SLC15A5: variants seen among roughly 807,000 people sequenced by gnomAD.
SLC15A5 encodes solute carrier family 15 member 5.
SLC15A5 carries 58 observed loss-of-function variants against 56.1 expected under a neutral mutation model. That is an observed-to-expected ratio of 1.03 (90% CI 0.84 to 1.29). The LOEUF (loss-of-function observed/expected upper bound fraction) is 1.29, where lower values mean the gene tolerates loss of function less well. Among genes scored for constraint, SLC15A5 ranks in the 50% most tolerant of loss-of-function variants. SLC15A5 has a pLI of 0.00. For synonymous variants in SLC15A5, 264 were observed against 250.5 expected (o/e 1.05, Z -0.51); for missense variants, 681 against 672.1 (o/e 1.01, Z -0.15).
In SLC15A5 at chr12:16,277,563, C is replaced by T. The variant is rs748557747; in HGVS notation, c.123G>A (p.Gln41=). The part of the protein sequence containing the change: ...LCSSHSVKKI[Q]VGICLLLVEL... The stretch of plus-strand genomic sequence containing the variant: ...CCACCAGAAGCAAGCAGATTCCAAC[C>T]TGAATTTTTTTCACAGAGTGTGAGG... The change falls in exon 1 of 9, where the codon CAG becomes CAA. Residue 41 remains glutamine, a synonymous_variant. Coordinates refer to ENST00000344941, the MANE Select transcript of SLC15A5 (RefSeq NM_001170798.1). 12 of 1,536,406 alleles carry T rather than the reference C, an allele frequency of 7.8e-6. No homozygotes were observed. Among genetic ancestry groups the T allele is most frequent in the Non-Finnish European group, 9.6e-6 (11 of 1,146,430 alleles).
chr12:16,267,105 A>G (rs990012393), intron 2 of SLC15A5, among the ~76,000 whole-genome samples: 6 of 152,216 alleles, frequency 3.9e-5, no homozygotes, highest in Non-Finnish European at 8.8e-5. Context: ...TTTGAAGAGA[A>G]ATTATTTAAA....
intron 3 of SLC15A5, among the ~76,000 whole-genome samples, chr12:16,246,739 G>GT (rs1166570455): frequency 2.6e-5 from 4 of 151,926 alleles, no homozygotes; most frequent in African/African-American, 4.8e-5. Flanking sequence ...CTCACTAACC[G>GT]TTTTTTTGTA....
intron 7 of SLC15A5, among the ~76,000 whole-genome samples, chr12:16,205,590 T>TATACAC (rs775209178): frequency 0.012 from 675 of 57,068 alleles, 12 homozygotes; most frequent in African/African-American, 0.016. Flanking sequence ...CATATATATA[T>TATACAC]ACATATACAC....
rs1863819729 is a variant in SLC15A5 at position 16,189,498 on chromosome 12, AC to A, written c.*169del. ...TATAACATGTTAATGCAAAAGCATG[AC>A]AGTTTACTAGAAAATTCATAATTAG... is the stretch of plus-strand genomic sequence containing the variant. On this transcript the variant is annotated 3_prime_UTR_variant, in exon 9 of 9. Transcript: ENST00000344941. The A allele has an allele frequency of 4.2e-6, 2 of 474,540 alleles. No homozygotes were observed. Among genetic ancestry groups the A allele is most frequent in the Non-Finnish European group, 6.8e-6 (2 of 295,966 alleles). The allele number at this position is 474,540 out of a possible 1,614,324, so 29.4% of individuals were successfully genotyped here.
chr12:16,248,379 G>A (rs1489402288), intron 3 of SLC15A5, among the ~76,000 whole-genome samples: 1 of 152,056 alleles, frequency 6.6e-6, no homozygotes, highest in Non-Finnish European at 1.5e-5. Context: ...TGAATCCTAG[G>A]GCTGCACATC....
chr12:16,239,701 G>T lies in SLC15A5; in HGVS notation c.1142C>A (p.Ser381Ter). Residue 381 changes from serine (S) to a stop codon, truncating the protein, a stop_gained, in exon 5 of 9, where the codon TCA (serine) becomes TAA (stop). Coordinates refer to ENST00000344941, the MANE Select transcript of SLC15A5 (RefSeq NM_001170798.1). LOFTEE classifies it high-confidence loss of function. ...TCLFPSKRVG[S>*]FLSTCIIAGN... ...CTTACTGATGCATGTTGACAGAAAT[G>T]ATCCAACTCTCTTAGAGGGAAACAG... 1 of 1,537,070 alleles carries T rather than the reference G, an allele frequency of 6.5e-7. No individual in the cohort carries two copies. The highest frequency in any genetic ancestry group is 8.7e-7 in the Non-Finnish European group (1 of 1,146,808).
Position 16,209,040 on chromosome 12 carries a change from A to G in SLC15A5, c.1483+7853T>C, listed in dbSNP as rs1463435527. On this transcript the variant is annotated intron_variant, in intron 7 of 8. Transcript: ENST00000344941. The stretch of plus-strand genomic sequence containing the variant: ...ATGCCTTTTTTTTTTTTTTTCATGT[A>G]CTGGACTTCCATCACCTTAATCCAA... Among the ~76,000 whole-genome samples the G allele has an allele frequency of 2.8e-5, 4 of 141,418 alleles. No homozygotes were observed. The Admixed American group carries it at 2.9e-4, about 10-fold the overall frequency. 92.8% of individuals were successfully genotyped at this position (141,418 alleles called of 152,430 possible).
intron 7 of SLC15A5, among the ~76,000 whole-genome samples, chr12:16,205,084 A>G (rs150758927): frequency 6.6e-6 from 1 of 152,230 alleles, no homozygotes; most frequent in Non-Finnish European, 1.5e-5. Context: ...TAAACTGACA[A>G]AAGAAGACCA....
chr12:16,203,467 T>A (rs999153609), intron 7 of SLC15A5, among the ~76,000 whole-genome samples: 1 of 152,164 alleles, frequency 6.6e-6, no homozygotes, highest in East Asian at 1.9e-4. Flanking sequence ...GTCCAGTTTC[T>A]TATGATTAAG....
chr12:16,211,850 G>C (rs1864084146), intron 7 of SLC15A5, among the ~76,000 whole-genome samples: 2 of 152,208 alleles, frequency 1.3e-5, no homozygotes, highest in South Asian at 4.1e-4. Context: ...CACTCTAACA[G>C]TTATCTGTCT....
chr12:16,232,476 A>G (rs748638771), intron 5 of SLC15A5, among the ~76,000 whole-genome samples: 14 of 152,218 alleles, frequency 9.2e-5, no homozygotes, highest in Non-Finnish European at 1.6e-4. Context: ...TCTAATTGAA[A>G]GAGCCCACCT....
chr12:16,225,287 C>G (rs1864229911), intron 5 of SLC15A5, among the ~76,000 whole-genome samples: 1 of 152,110 alleles, frequency 6.6e-6, no homozygotes, highest in African/African-American at 2.4e-5. Context: ...GTTCTAGATC[C>G]CTGAGGAATG....
chr12:16,239,608 G>T (rs1864390976), intron 5 of SLC15A5, 73 bp downstream of exon 5: 2 of 1,409,746 alleles, frequency 1.4e-6, no homozygotes, highest in Non-Finnish European at 1.9e-6. Context: ...CATATAGCTA[G>T]TTCGGATCTT....
At chr12:16,239,408 G>T (rs924604272) in intron 5 of SLC15A5, among the ~76,000 whole-genome samples, 1 of 152,158 alleles carries the variant, frequency 6.6e-6, no homozygotes, top group African/African-American at 2.4e-5. Context: ...TGACTTTAAG[G>T]ATAGGTCATT....
At chr12:16,210,351 TTTC>T (rs3983660) in intron 7 of SLC15A5, among the ~76,000 whole-genome samples, 79,746 of 151,596 alleles carry the variant, frequency 0.53, 21,373 homozygotes, top group South Asian at 0.73. Flanking sequence ...CACTTTCTAA[TTTC>T]TTCTTCTCCC....
At position 16,199,304 on chromosome 12, in the gene SLC15A5, C is replaced by CAAAAAA. The variant is rs10687463; in HGVS notation, c.1484-4857_1484-4852dup. On this transcript the variant is annotated intron_variant, in intron 7 of 8. Transcript: ENST00000344941. The stretch of plus-strand genomic sequence containing the variant: ...TGTCAGTCTCATGTGTAGACTGTCT[C>CAAAAAA]AAAAAAAAAAAAAAAAAAAAAGGAT... 1.1e-3 allele frequency among the ~76,000 whole-genome samples: 105 copies of CAAAAAA among 91,314 alleles called. 2 individuals are homozygous for CAAAAAA. The highest frequency in any genetic ancestry group is 1.5e-3 in the African/African-American group (36 of 23,478). The allele number at this position is 91,314 out of a possible 152,430, so 59.9% of individuals were successfully genotyped here.
intron 6 of SLC15A5, 25 bp downstream of exon 6, chr12:16,224,389 A>G (rs1279075044): frequency 3.3e-6 from 5 of 1,534,436 alleles, no homozygotes; most frequent in Non-Finnish European, 4.4e-6. Context: ...ATGTTCTAAC[A>G]TTAGTTGAAA....
Position 16,215,157 on chromosome 12 carries a change from C to T in SLC15A5, c.1483+1736G>A, listed in dbSNP as rs191408874. Among the ~76,000 whole-genome samples the T allele has an allele frequency of 1.5e-3, 196 of 130,366 alleles. 5 individuals carry two copies. The East Asian group carries it at 0.045, about 30-fold the overall frequency. The allele number at this position is 130,366 out of a possible 152,430, so 85.5% of individuals were successfully genotyped here. On this transcript the variant is annotated intron_variant, in intron 7 of 8. Transcript: ENST00000344941. ...GGCGGAGGTTGCAGTGGGCCGAGAT[C>T]GTGCCACTGCACTCCAGCCTGGGTG... is the stretch of plus-strand genomic sequence containing the variant.
At chr12:16,211,848 C>G (rs1473892537) in intron 7 of SLC15A5, among the ~76,000 whole-genome samples, 1 of 152,176 alleles carries the variant, frequency 6.6e-6, no homozygotes, top group Non-Finnish European at 1.5e-5. Flanking sequence ...GTCACTCTAA[C>G]AGTTATCTGT....
Sources: allele counts gnomAD v4.1 joint callset (sites outside exome capture counted in the v4.1 genomes callset), GRCh38; gene constraint gnomAD v4.1.1; transcripts MANE v1.5; gene names NCBI Gene and HGNC (gene_info 2026-07-23, HGNC 2026-07-21).